NHSL1: variants seen among roughly 807,000 people sequenced by gnomAD.
NHSL1 encodes the protein NHS like 1, also known as NHS-like protein 1.
Under a neutral mutation model 95.0 loss-of-function variants are expected in NHSL1, and 48 were observed. That is an observed-to-expected ratio of 0.51 (90% CI 0.40 to 0.64). NHSL1 has a LOEUF of 0.64. NHSL1 is among the 30% of genes least tolerant of loss of function. NHSL1 has a pLI of 0.00. For missense variants in NHSL1, 1,971 were observed against 2,077.7 expected, an observed-to-expected ratio of 0.95 and a Z score of 1.00; for synonymous variants, 783 against 833.9, an observed-to-expected ratio of 0.94 and a Z score of 1.05.
chr6:138,575,944 C>T (rs890849891), upstream of NHSL1, among the ~76,000 whole-genome samples: 1 of 151,550 alleles, frequency 6.6e-6, no homozygotes, highest in South Asian at 2.1e-4. Context: ...ATAACCCTGC[C>T]GTGGAAAAAT....
In NHSL1 at chr6:138,636,701, A is replaced by G. The variant is rs573389315; in HGVS notation, c.96+55775T>C. The stretch of plus-strand genomic sequence containing the variant: ...AAAATCAAATACATAAGAATTAACC[A>G]AAGAAGTTGAAGATCTCTATAATGA... On this transcript the variant is annotated intron_variant, in intron 1 of 3. Transcript: ENST00000491526. Among the ~76,000 whole-genome samples, 9 of 152,304 alleles carry G rather than the reference A, an allele frequency of 5.9e-5. 1 individual carries two copies. In the South Asian group the frequency reaches 1.9e-3, roughly 32 times the overall value.
At chr6:138,503,522 G>GTTCAAATAATAGTT (rs1274766721), upstream of NHSL1, among the ~76,000 whole-genome samples, 10 of 152,114 alleles carry the variant, frequency 6.6e-5, no homozygotes, top group Non-Finnish European at 1.3e-4. Flanking sequence ...AAGTTGTAAT[G>GTTCAAATAATAGTT]GAACACCACC....
At chr6:138,426,563 C>T (rs1023780986) in intron 7 of NHSL1, among the ~76,000 whole-genome samples, 2 of 152,190 alleles carry the variant, frequency 1.3e-5, no homozygotes, top group Non-Finnish European at 2.9e-5. Flanking sequence ...AGGCATAGAG[C>T]AGGTGCTTAA....
chr6:138,506,630 T>C (rs577316308), intron 1 of NHSL1, among the ~76,000 whole-genome samples: 1 of 152,320 alleles, frequency 6.6e-6, no homozygotes, highest in East Asian at 1.9e-4. Flanking sequence ...GCATCTTGTA[T>C]TTGGTTAATC....
upstream of NHSL1, chr6:138,545,779 G>A (rs923868134): frequency 8.3e-7 from 1 of 1,205,778 alleles, no homozygotes; most frequent in Non-Finnish European, 1.1e-6. Context: ...ACTCCAGGAA[G>A]CCACTGCCCA....
chr6:138,454,157 T>C (rs1427741623), intron 3 of NHSL1, among the ~76,000 whole-genome samples: 2 of 152,032 alleles, frequency 1.3e-5, no homozygotes, highest in African/African-American at 4.8e-5. Flanking sequence ...AGCCTGAATT[T>C]TGTGTTCCTA....
At chr6:138,551,622 T>C (rs558087307) in intron 1 of NHSL1, among the ~76,000 whole-genome samples, 2 of 152,332 alleles carry the variant, frequency 1.3e-5, no homozygotes, top group South Asian at 4.1e-4. Context: ...AGAGATTTAA[T>C]CTGGGTTTTT....
At chr6:138,501,995 T>C (rs1040793993), upstream of NHSL1, among the ~76,000 whole-genome samples, 2 of 152,208 alleles carry the variant, frequency 1.3e-5, no homozygotes, top group African/African-American at 2.4e-5. Flanking sequence ...TTTTGTTCCA[T>C]GGTTGCTTGA....
intron 1 of NHSL1, among the ~76,000 whole-genome samples, chr6:138,583,992 G>A (rs999401853): frequency 3.3e-5 from 5 of 152,140 alleles, no homozygotes; most frequent in African/African-American, 9.7e-5. Context: ...GGTGGTGCTC[G>A]CCTATAGTCC....
chr6:138,491,676 T>G (rs1780085195), intron 2 of NHSL1, among the ~76,000 whole-genome samples: 1 of 152,232 alleles, frequency 6.6e-6, no homozygotes, highest in Non-Finnish European at 1.5e-5. Flanking sequence ...AAATTTATTT[T>G]TTGTTGCTAG....
intron 3 of NHSL1, among the ~76,000 whole-genome samples, chr6:138,464,715 C>CTTTTTTTTTTTTTTTTTTTTTTTTTTTT (rs1157342436): frequency 8.4e-6 from 1 of 119,024 alleles, no homozygotes; most frequent in Non-Finnish European, 1.7e-5. Flanking sequence ...TTTTTCTTTT[C>CTTTTTTTTTTTTTTTTTTTTTTTTTTTT]TTTTTTTTTT....
chr6:138,566,124 G>A (rs182474730), intron 1 of NHSL1, among the ~76,000 whole-genome samples: 29 of 152,156 alleles, frequency 1.9e-4, no homozygotes, highest in African/African-American at 5.3e-4. Flanking sequence ...TTGGCCAGGC[G>A]TGGTGGCTCA....
At chr6:138,521,562 C>T (rs912633074) in intron 1 of NHSL1, among the ~76,000 whole-genome samples, 2 of 152,088 alleles carry the variant, frequency 1.3e-5, no homozygotes, top group East Asian at 3.9e-4. Flanking sequence ...CCCTGCTATT[C>T]CCAAATAAAT....
chr6:138,432,058 T>G lies in NHSL1; in HGVS notation c.2287A>C (p.Thr763Pro). 1 of 1,551,740 alleles carries G rather than the reference T, an allele frequency of 6.4e-7. No individual in the cohort carries two copies. Among genetic ancestry groups the G allele is most frequent in the Non-Finnish European group, 8.7e-7 (1 of 1,146,988 alleles). The stretch of plus-strand genomic sequence containing the variant: ...CTGCTTGTGTCACTCTGCGATGGCG[T>G]GGCCCCGCACAGGGAGTAGACATTG... ...TPNVYSLCGATPSQSDTSSVK... is the reference protein window; with the variant it reads ...TPNVYSLCGAPPSQSDTSSVK... Residue 763 changes from threonine to proline, a missense_variant, in exon 6 of 8, where the codon ACG (threonine) becomes CCG (proline). This residue lies in a region of NHSL1 where 1,602 missense variants were observed against 1,654.5 expected (regional missense o/e 0.97). Transcript: ENST00000343505. This position sits in a 1 kb window ranked among gnomAD's most constrained non-coding sequence, Gnocchi z 4.4.
intron 1 of NHSL1, among the ~76,000 whole-genome samples, chr6:138,682,304 A>T (rs994254079): frequency 1.3e-5 from 2 of 152,224 alleles, no homozygotes; most frequent in Non-Finnish European, 2.9e-5. Flanking sequence ...TTATTCCAGA[A>T]GGGTTTATAT....
chr6:138,424,068 T>C lies in NHSL1; in HGVS notation c.*13A>G, dbSNP rs1775080418. The C allele has an allele frequency of 2.2e-6, 3 of 1,361,816 alleles. No individual in the cohort carries two copies. In the African/African-American group the frequency reaches 4.4e-5, roughly 20 times the overall value. 84.4% of individuals were successfully genotyped at this position (1,361,816 alleles called of 1,614,324 possible). On this transcript the variant is annotated 3_prime_UTR_variant, in exon 8 of 8. Transcript: ENST00000343505. This position sits in a 1 kb window ranked among gnomAD's most constrained non-coding sequence, Gnocchi z 5.9. ...CTCCCCCCGTGTCACCTGGGAGAGT[T>C]ACGTTCTTGGCCCTAACTCTCCTCG...
chr6:138,612,235 C>T (rs1483048425), intron 1 of NHSL1, among the ~76,000 whole-genome samples: 1 of 151,674 alleles, frequency 6.6e-6, no homozygotes, highest in Non-Finnish European at 1.5e-5. Flanking sequence ...AATGCATATA[C>T]CATTTGCCTC....
intron 1 of NHSL1, among the ~76,000 whole-genome samples, chr6:138,620,086 A>T (rs1390607270): frequency 6.8e-6 from 1 of 147,842 alleles, no homozygotes; most frequent in Non-Finnish European, 1.5e-5. Context: ...ACACCTGCCA[A>T]GAAAGAAGAT....
At chr6:138,537,799 T>C (rs1259652656) in intron 1 of NHSL1, among the ~76,000 whole-genome samples, 1 of 152,114 alleles carries the variant, frequency 6.6e-6, no homozygotes, top group African/African-American at 2.4e-5. Flanking sequence ...GTTCCCAAAG[T>C]CAATCTTGGA....
Sources: allele counts gnomAD v4.1 joint callset (sites outside exome capture counted in the v4.1 genomes callset), GRCh38; gene constraint gnomAD v4.1.1; regional missense constraint gnomAD v4.1.1; non-coding constraint Gnocchi (gnomAD v3.1); transcripts MANE v1.5; gene names NCBI Gene and HGNC (gene_info 2026-07-23, HGNC 2026-07-21).